The following MYO3B variants were observed in gnomAD, a reference collection of about 807,000 sequenced individuals.
MYO3B encodes myosin IIIB.
In MYO3B, 156 loss-of-function variants were observed where a neutral mutation model predicts 174.6. That is an observed-to-expected ratio of 0.89 (90% CI 0.78 to 1.02). MYO3B has a LOEUF of 1.02. Ranked by LOEUF, MYO3B falls within the 50% of genes least tolerant of loss-of-function variation. The probability of loss-of-function intolerance (pLI) is 0.00; values close to 1 mark genes in which losing one functional copy is unlikely to be tolerated. For synonymous variants in MYO3B, 563 were observed against 569.1 expected (o/e 0.99, Z 0.15); for missense variants, 1,632 against 1,639.4 (o/e 1.00, Z 0.08).
chr2:170,484,605 A>G (rs1685906611), intron 25 of MYO3B, among the ~76,000 whole-genome samples: 1 of 152,220 alleles, frequency 6.6e-6, no homozygotes, highest in South Asian at 2.1e-4. Context: ...AGTGCTATCT[A>G]TAGTGAGTAA....
Position 170,519,375 on chromosome 2 carries a change from G to A in MYO3B, c.3473-63G>A, listed in dbSNP as rs1180488332. ...GAAGGGCTGCAGAGAGTGTAGATGGGCACCAAAAGCTAACCCTACCTACTT... is the reference window on the plus strand; with the variant it reads ...GAAGGGCTGCAGAGAGTGTAGATGGACACCAAAAGCTAACCCTACCTACTT... On this transcript the variant is annotated intron_variant, in intron 29 of 34. Transcript: ENST00000408978. 11 of 1,328,346 alleles carry A rather than the reference G, an allele frequency of 8.3e-6. No homozygotes were observed. The East Asian group carries it at 1.2e-4, about 14-fold the overall frequency. 82.3% of individuals were successfully genotyped at this position (1,328,346 alleles called of 1,614,324 possible). A position where few individuals can be genotyped will look rare whatever the true frequency, so the allele number is the denominator to read the frequency against.
At chr2:170,387,049 A>C in intron 13 of MYO3B, 57 bp from the exon 14 acceptor site, 1 of 1,577,250 alleles carries the variant, frequency 6.3e-7, no homozygotes, top group East Asian at 2.2e-5. Context: ...GTGCCTGGCA[A>C]CTTTGCTGGT....
intron 25 of MYO3B, 148 bp downstream of exon 25, chr2:170,466,859 A>C: frequency 1.2e-6 from 1 of 800,614 alleles, no homozygotes. Context: ...TGAATGTTGC[A>C]TTTTTATTGT....
intron 24 of MYO3B, among the ~76,000 whole-genome samples, chr2:170,464,502 GGCAGGACTT>G (rs1684497171): frequency 6.6e-6 from 1 of 152,124 alleles, no homozygotes; most frequent in Admixed American, 6.6e-5. Context: ...AAGGCTGAAG[GGCAGGACTT>G]GGGAGCCAGC....
intron 25 of MYO3B, among the ~76,000 whole-genome samples, chr2:170,490,673 T>A (rs1686411695): frequency 6.6e-6 from 1 of 152,152 alleles, no homozygotes; most frequent in Non-Finnish European, 1.5e-5. Context: ...TAGCTTTAAG[T>A]TTTTCATAGA....
Position 170,653,201 on chromosome 2 carries a change from C to G in MYO3B, c.*80C>G, listed in dbSNP as rs73013564. 156 of 1,553,766 alleles carry G rather than the reference C, an allele frequency of 1.0e-4. No individual in the cohort carries two copies. Among genetic ancestry groups the G allele is most frequent in the Admixed American group, 3.7e-4 (22 of 59,094 alleles). Reference sequence around the variant, plus strand: ...CTGTCTGTCATTGCGTAAGAAAGCACTGATATGGGGTCAGCTTCTTTGGAC... The same window carrying G: ...CTGTCTGTCATTGCGTAAGAAAGCAGTGATATGGGGTCAGCTTCTTTGGAC... On this transcript the variant is annotated 3_prime_UTR_variant, in exon 35 of 35. Coordinates refer to ENST00000408978, the MANE Select transcript of MYO3B (RefSeq NM_138995.5).
intron 12 of MYO3B, 74 bp from the exon 13 acceptor site, chr2:170,386,115 T>A: frequency 8.1e-7 from 1 of 1,227,644 alleles, no homozygotes; most frequent in South Asian, 1.2e-5. Flanking sequence ...TGTACAGTAG[T>A]GGATGTTATA....
At chr2:170,355,929 A>AGTTT (rs893259013) in intron 8 of MYO3B, among the ~76,000 whole-genome samples, 12 of 151,746 alleles carry the variant, frequency 7.9e-5, no homozygotes. Context: ...GTAAGGCATC[A>AGTTT]GTTTATTTAT....
intron 7 of MYO3B, among the ~76,000 whole-genome samples, chr2:170,266,311 A>T (rs2093382985): frequency 6.6e-6 from 1 of 152,012 alleles, no homozygotes; most frequent in African/African-American, 2.4e-5. Flanking sequence ...ACAGTTCTAA[A>T]CTCAACAAAA....
intron 3 of MYO3B, 132 bp downstream of exon 3, chr2:170,200,416 A>C (rs960544353): frequency 1.1e-6 from 1 of 897,746 alleles, no homozygotes; most frequent in African/African-American, 1.7e-5. Flanking sequence ...CAGGTACCTC[A>C]CCAGATGTGA....
intron 6 of MYO3B, among the ~76,000 whole-genome samples, chr2:170,232,690 A>G (rs1336929841): frequency 2.0e-5 from 3 of 152,228 alleles, no homozygotes; most frequent in African/African-American, 7.2e-5. Context: ...CCACACCTGC[A>G]TAAGTGATAA....
intron 31 of MYO3B, 86 bp from the exon 32 acceptor site, chr2:170,543,806 G>A: frequency 9.7e-7 from 1 of 1,029,920 alleles, no homozygotes; most frequent in South Asian, 1.4e-5. Context: ...AGGTTTAAGT[G>A]CCCCTTCATT....
chr2:170,323,871 T>G (rs2093846483), intron 7 of MYO3B, among the ~76,000 whole-genome samples: 1 of 152,190 alleles, frequency 6.6e-6, no homozygotes, highest in Non-Finnish European at 1.5e-5. Flanking sequence ...TAGGAAAGTC[T>G]TGGGTTCCTG....
At chr2:170,638,810 CCT>C (rs781779163) in intron 32 of MYO3B, among the ~76,000 whole-genome samples, 11 of 152,204 alleles carry the variant, frequency 7.2e-5, no homozygotes, top group Non-Finnish European at 1.3e-4. Context: ...TCAGTCCACC[CCT>C]CTCTTTATCA....
intron 20 of MYO3B, 65 bp downstream of exon 20, chr2:170,404,465 A>G: frequency 6.8e-7 from 1 of 1,473,578 alleles, no homozygotes; most frequent in Non-Finnish European, 9.1e-7. Flanking sequence ...TCATCAATTG[A>G]GTGTACTTTA....
At chr2:170,378,210 A>G (rs2094308317) in intron 9 of MYO3B, among the ~76,000 whole-genome samples, 1 of 152,234 alleles carries the variant, frequency 6.6e-6, no homozygotes, top group Admixed American at 6.5e-5. Flanking sequence ...ATTGAAATAA[A>G]TAATGCTTTT....
At chr2:170,449,480 A>C (rs1365715496) in intron 23 of MYO3B, among the ~76,000 whole-genome samples, 2 of 152,056 alleles carry the variant, frequency 1.3e-5, no homozygotes, top group East Asian at 3.9e-4. Flanking sequence ...AAATAACTCA[A>C]AAAAAAAGTT....
At chr2:170,377,227 G>A (rs2094300552) in intron 9 of MYO3B, among the ~76,000 whole-genome samples, 1 of 152,214 alleles carries the variant, frequency 6.6e-6, no homozygotes, top group Admixed American at 6.5e-5. Flanking sequence ...TGCAGATACA[G>A]AGATTAAACT....
intron 7 of MYO3B, among the ~76,000 whole-genome samples, chr2:170,242,302 A>C (rs2093143047): frequency 6.6e-6 from 1 of 152,184 alleles, no homozygotes; most frequent in Non-Finnish European, 1.5e-5. Context: ...GTTATGTTTT[A>C]TGTATCTTTT....
Sources: gnomAD v4.1 joint callset for allele counts (sites outside exome capture counted in the v4.1 genomes callset) on GRCh38, gnomAD v4.1.1 for gene constraint, MANE v1.5 for transcripts, NCBI Gene and HGNC (gene_info 2026-07-23, HGNC 2026-07-21) for gene names.